CNOT1: variants seen among roughly 807,000 people sequenced by gnomAD.
CNOT1 encodes the protein CCR4-NOT transcription complex subunit 1.
A neutral mutation model predicts 273.8 loss-of-function variants in CNOT1; 15 were observed. The ratio of observed to expected loss-of-function variants is 0.05; its 90% CI spans 0.04 to 0.08. CNOT1 has a LOEUF of 0.08. Ranked by LOEUF, CNOT1 falls within the 10% of genes least tolerant of loss-of-function variation. CNOT1 has a pLI of 1.00. For synonymous variants in CNOT1, 1,022 were observed against 1,005.5 expected, an observed-to-expected ratio of 1.02 and a Z score of -0.31; for missense variants, 1,644 against 2,912.2, an observed-to-expected ratio of 0.56 and a Z score of 10.02.
At chr16:58,623,792 C>T (rs1330408021) in intron 1 of CNOT1, among the ~76,000 whole-genome samples, 1 of 152,020 alleles carries the variant, frequency 6.6e-6, no homozygotes, top group African/African-American at 2.4e-5. Flanking sequence ...AATTCGAGAC[C>T]AGCCTGACCA....
At chr16:58,607,245 A>C (rs1239574205) in intron 1 of CNOT1, among the ~76,000 whole-genome samples, 1 of 152,232 alleles carries the variant, frequency 6.6e-6, no homozygotes, top group South Asian at 2.1e-4. Context: ...TTACCGCAGC[A>C]GTATATGTCA....
At chr16:58,579,554 A>AT (rs2041582530) in intron 12 of CNOT1, among the ~76,000 whole-genome samples, 1 of 152,138 alleles carries the variant, frequency 6.6e-6, no homozygotes, top group Non-Finnish European at 1.5e-5. Flanking sequence ...AAAATAAGCA[A>AT]TTTTTCAAAT....
At chr16:58,593,185 G>A (rs1207771019) in intron 2 of CNOT1, among the ~76,000 whole-genome samples, 1 of 152,182 alleles carries the variant, frequency 6.6e-6, no homozygotes, top group Non-Finnish European at 1.5e-5. Flanking sequence ...CACTTTGAGA[G>A]GCTGAGGAGG....
chr16:58,521,199 C>A lies in CNOT1; in HGVS notation c.7036G>T (p.Ala2346Ser). 1 of 1,613,710 alleles carries A rather than the reference C, an allele frequency of 6.2e-7. No individual in the cohort carries two copies. ...KFWNHEFVHC[A>S]PEIEKLFQSV... Reference sequence around the variant, plus strand: ...TGAACTCACTTTTCGATTTCTGGGGCACAGTGTACAAATTCATGGTTCCAG... The same window carrying A: ...TGAACTCACTTTTCGATTTCTGGGGAACAGTGTACAAATTCATGGTTCCAG... The change falls in exon 48 of 49, where the codon GCC (alanine) becomes TCC (serine). Residue 2346 changes from alanine (A) to serine (S), a missense_variant. Ala to Ser is a moderately conservative substitution (Grantham distance 99, BLOSUM62 1). Around this residue, in one of 13 missense-constraint regions of CNOT1, gnomAD observed 140 missense variants for 324.6 expected, o/e 0.43. Coordinates refer to ENST00000317147, the MANE Select transcript of CNOT1 (RefSeq NM_016284.5).
At chr16:58,554,935 C>CAAAAGAAAAAAA (rs774456750) in intron 21 of CNOT1, among the ~76,000 whole-genome samples, 2 of 78,906 alleles carry the variant, frequency 2.5e-5, no homozygotes, top group East Asian at 3.4e-4. Context: ...GACTCCATCT[C>CAAAAGAAAAAAA]AAAAAAAAAA....
At chr16:58,550,938 T>G (rs907823095) in intron 24 of CNOT1, among the ~76,000 whole-genome samples, 194 bp downstream of exon 24, 1 of 152,214 alleles carries the variant, frequency 6.6e-6, no homozygotes, top group Non-Finnish European at 1.5e-5. Flanking sequence ...TCAAAAAGCT[T>G]ATAACTTGCT....
At chr16:58,572,930 ATTAAG>A (rs958216616) in intron 16 of CNOT1, among the ~76,000 whole-genome samples, 1 of 151,348 alleles carries the variant, frequency 6.6e-6, no homozygotes, top group Non-Finnish European at 1.5e-5. Flanking sequence ...AGAAAAAAAA[ATTAAG>A]TTAAATAAAT....
intron 48 of CNOT1, 44 bp downstream of exon 48, chr16:58,521,139 C>T: frequency 1.9e-6 from 3 of 1,613,284 alleles, no homozygotes; most frequent in Non-Finnish European, 2.5e-6. Flanking sequence ...GGTTTTCAGT[C>T]TCCAGTCTCA....
intron 16 of CNOT1, among the ~76,000 whole-genome samples, chr16:58,570,776 GTAAGT>G (rs1188716436): frequency 6.6e-6 from 1 of 152,110 alleles, no homozygotes; most frequent in African/African-American, 2.4e-5. Context: ...AAAGATTGGA[GTAAGT>G]TAAAATGTTA....
Position 58,521,247 on chromosome 16 carries a change from T to A in CNOT1, c.6988A>T (p.Ile2330Phe). The A allele has an allele frequency of 6.2e-7, 1 of 1,614,208 alleles. No individual in the cohort carries two copies. Among genetic ancestry groups the A allele is most frequent in the Non-Finnish European group, 8.5e-7 (1 of 1,180,020 alleles). ...WGLLITFIEL[I>F]KNPAFKFWNH... Reference sequence around the variant, plus strand: ...CAGAACTTAAACGCTGGGTTTTTAATCAGCTCAATGAAGGTAATAAGAAGA... The same window carrying A: ...CAGAACTTAAACGCTGGGTTTTTAAACAGCTCAATGAAGGTAATAAGAAGA... The change falls in exon 48 of 49, where the codon ATT becomes TTT. Residue 2330 changes from isoleucine to phenylalanine, a missense_variant. Around this residue, in one of 13 missense-constraint regions of CNOT1, gnomAD observed 140 missense variants for 324.6 expected, o/e 0.43. Transcript: ENST00000317147.
At chr16:58,577,714 C>T (rs1004391405) in intron 13 of CNOT1, among the ~76,000 whole-genome samples, 4 of 151,954 alleles carry the variant, frequency 2.6e-5, no homozygotes, top group African/African-American at 9.7e-5. Flanking sequence ...TGGCATGTGC[C>T]TGTGGTCCCA....
chr16:58,576,332 G>A lies in CNOT1; in HGVS notation c.1704+131C>T, dbSNP rs957777428. On this transcript the variant is annotated intron_variant, in intron 14 of 48. Coordinates refer to ENST00000317147, the MANE Select transcript of CNOT1 (RefSeq NM_016284.5). ...ACCATGTTTTGGTCAGGCTGGTCTC[G>A]AATTCCTGACCTTGTGGATCCGCCC... 2.2e-4 allele frequency: 300 copies of A among 1,335,250 alleles called. 1 individual carries two copies. The Middle Eastern group carries it at 3.2e-3, about 14-fold the overall frequency. The allele number at this position is 1,335,250 out of a possible 1,614,324, so 82.7% of individuals were successfully genotyped here.
chr16:58,572,260 G>T (rs2041299292), intron 16 of CNOT1, among the ~76,000 whole-genome samples: 1 of 151,794 alleles, frequency 6.6e-6, no homozygotes, highest in African/African-American at 2.4e-5. Flanking sequence ...CTCTAGCCTG[G>T]GCAACAAGAG....
At chr16:58,617,091 G>C (rs2043115989) in intron 1 of CNOT1, among the ~76,000 whole-genome samples, 1 of 152,186 alleles carries the variant, frequency 6.6e-6, no homozygotes, top group African/African-American at 2.4e-5. Flanking sequence ...GCCAGGTGCA[G>C]GGCTCACGGC....
At position 58,523,473 on chromosome 16, in the gene CNOT1, T is replaced by C. The variant is rs2039478630; in HGVS notation, c.6814A>G (p.Asn2272Asp). The change falls in exon 47 of 49, where the codon AAT becomes GAT. Residue 2272 changes from asparagine to aspartate, a missense_variant. By Grantham distance (23) the Asn-to-Asp change is conservative. Transcript: ENST00000317147. ...GRYLFLNAIA[N>D]QLRYPNSHTH... is the part of the protein sequence containing the mutation. ...TGGCTATTTGGGTACCGGAGCTGAT[T>C]TGCAATTGCATTCAAAAAGAGATAG... is the stretch of plus-strand genomic sequence containing the variant. 6.2e-7 allele frequency: 1 copy of C among 1,613,954 alleles called. No homozygotes were observed.
Position 58,539,896 on chromosome 16 carries a change from G to A in CNOT1, c.4864C>T (p.His1622Tyr), listed in dbSNP as rs2040035599. The change falls in exon 35 of 49, where the codon CAT becomes TAT. Residue 1622 changes from histidine to tyrosine, a missense_variant. His to Tyr is a moderately conservative substitution (Grantham distance 83, BLOSUM62 2). Transcript: ENST00000317147. Reference sequence around the variant, plus strand: ...AAAGTTGGTGGGATGGCATGTAGATGTTGCTCCAGTTCTGTAATACACTTA... The same window carrying A: ...AAAGTTGGTGGGATGGCATGTAGATATTGCTCCAGTTCTGTAATACACTTA... ...YDKCITELEQ[H>Y]LHAIPPTLAM... 3.1e-6 allele frequency: 5 copies of A among 1,614,146 alleles called. No homozygotes were observed. The highest frequency in any genetic ancestry group is 3.4e-6 in the Non-Finnish European group (4 of 1,180,012).
At chr16:58,555,121 T>A in intron 21 of CNOT1, 130 bp downstream of exon 21, 4 of 1,318,176 alleles carry the variant, frequency 3.0e-6, no homozygotes, top group South Asian at 2.9e-5. Flanking sequence ...AGTGGGAGAA[T>A]CACTTGAGCC....
At chr16:58,560,527 G>T (rs760207736) in intron 16 of CNOT1, among the ~76,000 whole-genome samples, 165 bp from the exon 17 acceptor site, 1 of 151,868 alleles carries the variant, frequency 6.6e-6, no homozygotes, top group Admixed American at 6.6e-5. Flanking sequence ...CTGCCCCCCG[G>T]GTTCAAGCGA....
intron 16 of CNOT1, among the ~76,000 whole-genome samples, chr16:58,571,310 C>G (rs1164154962): frequency 6.6e-6 from 1 of 152,136 alleles, no homozygotes; most frequent in Non-Finnish European, 1.5e-5. Flanking sequence ...AATCCCAGCA[C>G]TTTGAGAGGC....
Sources: gnomAD v4.1 joint callset for allele counts (sites outside exome capture counted in the v4.1 genomes callset) on GRCh38, gnomAD v4.1.1 for gene constraint, gnomAD v4.1.1 regional missense constraint, MANE v1.5 for transcripts, NCBI Gene and HGNC (gene_info 2026-07-23, HGNC 2026-07-21) for gene names.